FAT4: variants seen among roughly 807,000 people sequenced by gnomAD.
The protein encoded by FAT4 is FAT atypical cadherin 4.
Under a neutral mutation model 303.9 loss-of-function variants are expected in FAT4, and 84 were observed. The observed-to-expected ratio is 0.28, with a 90% CI of 0.23 to 0.33. The LOEUF is 0.33. Among genes scored for constraint, FAT4 ranks in the 10% least tolerant of loss-of-function variants. The pLI, the probability that FAT4 is intolerant of heterozygous loss-of-function variation, is 1.00. For missense variants in FAT4, 6,005 were observed against 6,146.8 expected, an observed-to-expected ratio of 0.98 and a Z score of 0.77; for synonymous variants, 2,307 against 2,298.8, an observed-to-expected ratio of 1.00 and a Z score of -0.10.
chr4:125,413,211 G>A (rs1734913726), intron 5 of FAT4, among the ~76,000 whole-genome samples: 1 of 151,674 alleles, frequency 6.6e-6, no homozygotes, highest in African/African-American at 2.4e-5. Flanking sequence ...TAAAGCCTGT[G>A]GAATTTTAAG....
intron 14 of FAT4, 32 bp downstream of exon 14, chr4:125,477,366 G>A (rs866166364): frequency 6.7e-7 from 1 of 1,499,922 alleles, no homozygotes; most frequent in Non-Finnish European, 8.9e-7. Flanking sequence ...CTGTTTTAAA[G>A]AAAAAAAATG....
chr4:125,436,332 T>C (rs1163168034), intron 8 of FAT4, among the ~76,000 whole-genome samples: 1 of 151,976 alleles, frequency 6.6e-6, no homozygotes, highest in Non-Finnish European at 1.5e-5. Flanking sequence ...GGAGGAACAG[T>C]TTTGTGAGAA....
rs752378997 is a variant in FAT4 at position 125,490,864 on chromosome 4, G to A, written c.14048G>A (p.Gly4683Asp). 2 of 1,614,138 alleles carry A rather than the reference G, an allele frequency of 1.2e-6. No homozygotes were observed. Among genetic ancestry groups the A allele is most frequent in the African/African-American group, 1.3e-5 (1 of 75,020 alleles). ...SLTYQPSYGQ[G>D]LRTSSLSHSA... ...ACTTACCAGCCTTCATATGGTCAAGGTTTGAGAACCAGCTCCCTAAGCCAC... is the reference window on the plus strand; with the variant it reads ...ACTTACCAGCCTTCATATGGTCAAGATTTGAGAACCAGCTCCCTAAGCCAC... The change falls in exon 18 of 18, where the codon GGT becomes GAT. Residue 4683 changes from glycine (G) to aspartate (D), a missense_variant. Gly to Asp is a moderately conservative substitution (Grantham distance 94). Transcript: ENST00000394329.
rs772205964 is a variant in FAT4, at chr4:125,321,566, C to G, written c.5155C>G (p.Pro1719Ala). The G allele has an allele frequency of 1.9e-5, 30 of 1,610,340 alleles. No individual in the cohort carries two copies. The highest frequency in any genetic ancestry group is 2.5e-5 in the Non-Finnish European group (30 of 1,178,318). Reference sequence around the variant, plus strand: ...TGCCATAGAAAAATCAACTGCTTTTCCCAGAACACAGAGAGCAGAGGTAAT... The same window carrying G: ...TGCCATAGAAAAATCAACTGCTTTTGCCAGAACACAGAGAGCAGAGGTAAT... ...VYAIEKSTAFPRTQRAEVEIT... is the reference protein window; with the variant it reads ...VYAIEKSTAFARTQRAEVEIT... Residue 1719 changes from proline to alanine, a missense_variant, in exon 2 of 18, where the codon CCC (proline) becomes GCC (alanine). Transcript: ENST00000394329.
intron 7 of FAT4, among the ~76,000 whole-genome samples, chr4:125,432,806 A>C (rs2126042790): frequency 1.6e-5 from 1 of 63,216 alleles, no homozygotes; most frequent in African/African-American, 5.9e-5. Context: ...CACTTAATAT[A>C]AAATATCTTA....
intron 2 of FAT4, among the ~76,000 whole-genome samples, chr4:125,340,707 G>GAAGT (rs1427843121): frequency 7.2e-5 from 11 of 152,178 alleles, no homozygotes; most frequent in African/African-American, 2.7e-4. Context: ...CTAGTTCTTT[G>GAAGT]AAGTAGTAGT....
Position 125,408,774 on chromosome 4 carries a change from A to G in FAT4, c.5900A>G (p.Asn1967Ser), listed in dbSNP as rs186847381. ...LPVGSTVLVF[N>S]VTDADDGINS... ...GTGGGATCTACTGTTCTTGTGTTTA[A>G]TGTTACTGATGCAGATGATGGTATG... Residue 1967 changes from asparagine (N) to serine (S), a missense_variant, in exon 5 of 18, where the codon AAT (asparagine) becomes AGT (serine). Coordinates refer to ENST00000394329, the MANE Select transcript of FAT4 (RefSeq NM_001291303.3). The G allele has an allele frequency of 6.5e-6, 10 of 1,535,686 alleles. No individual in the cohort carries two copies. The African/African-American group carries it at 9.7e-5, about 15-fold the overall frequency.
chr4:125,317,400 T>C lies in FAT4; in HGVS notation c.989T>C (p.Val330Ala). Residue 330 changes from valine (V) to alanine (A), a missense_variant, in exon 2 of 18, where the codon GTG (valine) becomes GCG (alanine). Physicochemically the swap from Val to Ala is moderately conservative, Grantham distance 64. Transcript: ENST00000394329. This position sits in a 1 kb window ranked among gnomAD's most constrained non-coding sequence, Gnocchi z 7.0. ...ACGGTGCAGGCGATGGACAGAGGCGTGCCTTCCCTCACTGGGCGCGCCGAG... is the reference window on the plus strand; with the variant it reads ...ACGGTGCAGGCGATGGACAGAGGCGCGCCTTCCCTCACTGGGCGCGCCGAG... ...SLTVQAMDRG[V>A]PSLTGRAEAL... 6.2e-7 allele frequency: 1 copy of C among 1,613,526 alleles called. No individual in the cohort carries two copies.
chr4:125,470,295 T>G (rs1204423278), intron 12 of FAT4, among the ~76,000 whole-genome samples: 1 of 152,206 alleles, frequency 6.6e-6, no homozygotes, highest in Non-Finnish European at 1.5e-5. Context: ...CTAGGATTTT[T>G]AATATGGAAA....
At chr4:125,428,118 T>C (rs1225017445) in intron 7 of FAT4, among the ~76,000 whole-genome samples, 1 of 151,968 alleles carries the variant, frequency 6.6e-6, no homozygotes, top group African/African-American at 2.4e-5. Flanking sequence ...ACCGACAAGG[T>C]GAAACCCCGT....
intron 2 of FAT4, among the ~76,000 whole-genome samples, chr4:125,335,997 G>A (rs1327706343): frequency 1.3e-5 from 2 of 151,956 alleles, no homozygotes; most frequent in Admixed American, 6.6e-5. Flanking sequence ...TGGTCCAGAA[G>A]GCAATGATAA....
chr4:125,382,086 G>A (rs760436848), intron 2 of FAT4, among the ~76,000 whole-genome samples: 5 of 152,184 alleles, frequency 3.3e-5, no homozygotes, highest in Non-Finnish European at 7.3e-5. Context: ...CAGTACTGAA[G>A]TTTTGAACCC....
intron 2 of FAT4, among the ~76,000 whole-genome samples, 174 bp from the exon 3 acceptor site, chr4:125,398,610 G>T (rs557455208): frequency 1.3e-5 from 2 of 152,060 alleles, no homozygotes; most frequent in African/African-American, 4.8e-5. Context: ...TTATGTTTTC[G>T]TGTAAAGATT....
At chr4:125,440,292 A>AT (rs201827710) in intron 8 of FAT4, among the ~76,000 whole-genome samples, 98 of 148,738 alleles carry the variant, frequency 6.6e-4, no homozygotes, top group Non-Finnish European at 1.2e-3. Context: ...CTTTAGTCTG[A>AT]TTTTTTTTTT....
chr4:125,486,862 A>T (rs1176205035), intron 16 of FAT4, among the ~76,000 whole-genome samples: 5 of 152,132 alleles, frequency 3.3e-5, no homozygotes, highest in African/African-American at 1.2e-4. Context: ...TGAGAGGTAA[A>T]ACAATTATTT....
Position 125,316,028 on chromosome 4 carries a change from C to T in FAT4, c.-13+51C>T, listed in dbSNP as rs1730568009. ...GTTCTTTGCAATGATTCCTCATATA[C>T]CTTAGATACAGGCAACTTCTCCCAA... On this transcript the variant is annotated intron_variant, in intron 1 of 17. Coordinates refer to ENST00000394329, the MANE Select transcript of FAT4 (RefSeq NM_001291303.3). The surrounding 1 kb of genome is among the most constrained non-coding windows in gnomAD (Gnocchi z 5.7). 6.6e-6 allele frequency among the ~76,000 whole-genome samples: 1 copy of T among 152,156 alleles called. No individual in the cohort carries two copies. The highest frequency in any genetic ancestry group is 2.4e-5 in the African/African-American group (1 of 41,446).
rs1387784398 is a variant in FAT4 at position 125,319,316 on chromosome 4, T to A, written c.2905T>A (p.Ser969Thr). 1 of 1,614,126 alleles carries A rather than the reference T, an allele frequency of 6.2e-7. No homozygotes were observed. The highest frequency in any genetic ancestry group is 1.7e-5 in the Admixed American group (1 of 60,026). Residue 969 changes from serine (S) to threonine (T), a missense_variant, in exon 2 of 18, where the codon TCT (serine) becomes ACT (threonine). Physicochemically the swap from Ser to Thr is moderately conservative, Grantham distance 58 (BLOSUM62 1). Transcript: ENST00000394329. ...CTCCTACCAAATAGAGATCTTGGCA[T>A]CTGACATGGGTGTCCCACAGCTCTC... ...AGSYQIEILA[S>T]DMGVPQLSSS...
At chr4:125,393,884 C>G (rs567905831) in intron 2 of FAT4, 7 of 771,868 alleles carry the variant, frequency 9.1e-6, no homozygotes, top group South Asian at 8.2e-5. Context: ...AGTTTTACTG[C>G]TCAGGGCTCA....
intron 12 of FAT4, among the ~76,000 whole-genome samples, chr4:125,471,713 CTGTCTTAAAGTATTTTTGCACT>C (rs1490233718): frequency 6.6e-6 from 1 of 151,590 alleles, no homozygotes; most frequent in Admixed American, 6.6e-5. Context: ...GCTAACAAAT[CTGTCTTAAAGTATTTTTGCACT>C]TTAACTTTGA....
Sources: allele counts gnomAD v4.1 joint callset (sites outside exome capture counted in the v4.1 genomes callset), GRCh38; gene constraint gnomAD v4.1.1; non-coding constraint Gnocchi (gnomAD v3.1); transcripts MANE v1.5; gene names NCBI Gene and HGNC (gene_info 2026-07-23, HGNC 2026-07-21).